Variants in FBLN5 observed in about 807,000 individuals in gnomAD.
The protein encoded by FBLN5 is fibulin-5.
In FBLN5, 24 loss-of-function variants were observed where a neutral mutation model predicts 61.6. That is an observed-to-expected ratio of 0.39 (90% confidence interval 0.28 to 0.55). The LOEUF is 0.55. FBLN5 is among the 20% of genes least tolerant of loss of function. The probability of loss-of-function intolerance (pLI) is 0.65; values close to 1 mark genes in which losing one functional copy is unlikely to be tolerated. For missense variants in FBLN5, 470 were observed against 594.1 expected (o/e 0.79, Z 2.17); for synonymous variants, 213 against 219.8 (o/e 0.97, Z 0.27).
chr14:91,885,399 CA>C (rs1472204887), intron 7 of FBLN5, among the ~76,000 whole-genome samples: 1 of 151,590 alleles, frequency 6.6e-6, no homozygotes, highest in African/African-American at 2.4e-5. Flanking sequence ...CCACTGTGTC[CA>C]AAAAAAACCT....
At chr14:91,894,172 G>C (rs764396540) in intron 5 of FBLN5, among the ~76,000 whole-genome samples, 2 of 151,954 alleles carry the variant, frequency 1.3e-5, no homozygotes, top group Non-Finnish European at 2.9e-5. Flanking sequence ...GCTGAGGCAG[G>C]CAGATCACTT....
intron 4 of FBLN5, among the ~76,000 whole-genome samples, chr14:91,915,548 G>A (rs972984438): frequency 7.3e-5 from 11 of 151,706 alleles, no homozygotes; most frequent in East Asian, 1.9e-4. Flanking sequence ...TAGCCCAGGC[G>A]TGGTGGTGGG....
At chr14:91,897,579 C>T (rs1018337494) in intron 4 of FBLN5, among the ~76,000 whole-genome samples, 2 of 152,210 alleles carry the variant, frequency 1.3e-5, no homozygotes, top group African/African-American at 2.4e-5. Context: ...TTGCATCCCA[C>T]ACAACTGTGC....
At chr14:91,911,530 G>A (rs2300139) in intron 4 of FBLN5, among the ~76,000 whole-genome samples, 2 of 151,966 alleles carry the variant, frequency 1.3e-5, no homozygotes, top group African/African-American at 4.8e-5. Flanking sequence ...GTGTGAGGGC[G>A]GGGAGCCCAC....
At chr14:91,897,597 G>A (rs776557274) in intron 4 of FBLN5, among the ~76,000 whole-genome samples, 1 of 152,216 alleles carries the variant, frequency 6.6e-6, no homozygotes, top group African/African-American at 2.4e-5. Context: ...TGCCTGCCAA[G>A]TCCTACAGAG....
intron 4 of FBLN5, among the ~76,000 whole-genome samples, chr14:91,899,296 C>T (rs1298960294): frequency 1.3e-5 from 2 of 152,192 alleles, no homozygotes; most frequent in Non-Finnish European, 2.9e-5. Flanking sequence ...TCACACCAGT[C>T]GGGTGCCTGG....
chr14:91,885,597 GTGGTTGGT>G (rs570497405), intron 7 of FBLN5, among the ~76,000 whole-genome samples: 3 of 152,110 alleles, frequency 2.0e-5, no homozygotes, highest in African/African-American at 7.2e-5. Context: ...CTCTATGAGG[GTGGTTGGT>G]TGGTTGGTTG....
At chr14:91,903,487 G>A (rs1890545802) in intron 4 of FBLN5, among the ~76,000 whole-genome samples, 2 of 152,146 alleles carry the variant, frequency 1.3e-5, no homozygotes, top group African/African-American at 4.8e-5. Flanking sequence ...TTTTTTAACT[G>A]AGTACTCATG....
chr14:91,892,443 C>T (rs1371637475), intron 5 of FBLN5, among the ~76,000 whole-genome samples: 1 of 152,248 alleles, frequency 6.6e-6, no homozygotes, highest in Non-Finnish European at 1.5e-5. Context: ...CTGGTTTCTA[C>T]CTACTGCCAG....
chr14:91,933,279 T>C (rs1156743016), intron 4 of FBLN5, among the ~76,000 whole-genome samples: 1 of 152,160 alleles, frequency 6.6e-6, no homozygotes, highest in Non-Finnish European at 1.5e-5. Flanking sequence ...TTTATTTTAA[T>C]TTTTTATTTT....
chr14:91,887,173 C>T lies in FBLN5; in HGVS notation c.739+20G>A, dbSNP rs1484035855. The T allele has an allele frequency of 6.2e-7, 1 of 1,613,656 alleles. No individual in the cohort carries two copies. Among genetic ancestry groups the T allele is most frequent in the African/African-American group, 1.3e-5 (1 of 74,896 alleles). On this transcript the variant is annotated intron_variant, in intron 7 of 10. Coordinates refer to ENST00000342058, the MANE Select transcript of FBLN5 (RefSeq NM_006329.4). The stretch of plus-strand genomic sequence containing the variant: ...AGGCCCCAAGTACAGGTGGAAGTTT[C>T]CAATGCGAAAGCCCATTACCACTGC...
intron 4 of FBLN5, among the ~76,000 whole-genome samples, chr14:91,914,203 C>T (rs950653515): frequency 1.3e-5 from 2 of 152,084 alleles, no homozygotes; most frequent in African/African-American, 4.8e-5. Context: ...ATTAGCTGGG[C>T]GCAGTAGCTC....
chr14:91,891,336 G>A lies in FBLN5; in HGVS notation c.504C>T (p.Asp168=), dbSNP rs759297367. 1.5e-5 allele frequency: 24 copies of A among 1,603,288 alleles called. No homozygotes were observed. Among genetic ancestry groups the A allele is most frequent in the Admixed American group, 3.3e-5 (2 of 60,002 alleles). The stretch of plus-strand genomic sequence containing the variant: ...AGTAACCATAGCGACATTCATCAAT[G>A]TCTGGAAACAGAAATGCAAGCAAAG... ...GYWLLEGQCL[D]IDECRYGYCQ... is the part of the protein sequence containing the mutation. Residue 168 remains aspartate, a splice_region_variant and synonymous_variant, in exon 6 of 11, where the codon GAC becomes GAT. Transcript: ENST00000342058.
intron 10 of FBLN5, 146 bp from the exon 11 acceptor site, chr14:91,870,531 A>C (rs1888874371): frequency 1.3e-6 from 1 of 773,062 alleles, no homozygotes; most frequent in Non-Finnish European, 2.2e-6. Flanking sequence ...GGCTTTGCCC[A>C]CTCTCCACCT....
chr14:91,916,601 G>A (rs1377562640), intron 4 of FBLN5, among the ~76,000 whole-genome samples: 1 of 152,176 alleles, frequency 6.6e-6, no homozygotes, highest in Non-Finnish European at 1.5e-5. Context: ...CCTGAGGACA[G>A]GTGAGCAGCT....
chr14:91,911,453 C>T (rs1191566357), intron 4 of FBLN5, among the ~76,000 whole-genome samples: 4 of 152,118 alleles, frequency 2.6e-5, no homozygotes, highest in Non-Finnish European at 5.9e-5. Flanking sequence ...CAGAATTGGC[C>T]CTCAGTCAAG....
At chr14:91,876,403 T>G (rs1184752795) in intron 10 of FBLN5, among the ~76,000 whole-genome samples, 1 of 152,248 alleles carries the variant, frequency 6.6e-6, no homozygotes, top group Non-Finnish European at 1.5e-5. Flanking sequence ...GGGTGCAGTA[T>G]GCTGGGTAGT....
At chr14:91,902,281 G>GTTTT (rs1555376457) in intron 4 of FBLN5, among the ~76,000 whole-genome samples, 8 of 29,056 alleles carry the variant, frequency 2.8e-4, no homozygotes, top group South Asian at 8.3e-4. Context: ...TTGTTTGTTT[G>GTTTT]TTTTTTTTTT....
intron 3 of FBLN5, among the ~76,000 whole-genome samples, chr14:91,937,477 GA>G: frequency 6.6e-6 from 1 of 152,178 alleles, no homozygotes; most frequent in Non-Finnish European, 1.5e-5. Flanking sequence ...AACTCATATT[GA>G]AACTTAATCC....
Sources: allele counts gnomAD v4.1 joint callset (sites outside exome capture counted in the v4.1 genomes callset), GRCh38; gene constraint gnomAD v4.1.1; transcripts MANE v1.5; gene names NCBI Gene and HGNC (gene_info 2026-07-23, HGNC 2026-07-21).